Variants in NKAIN2 observed in about 807,000 individuals in gnomAD.
NKAIN2 encodes the protein sodium/potassium-transporting ATPase subunit beta-1-interacting protein 2.
A neutral mutation model predicts 32.6 loss-of-function variants in NKAIN2; 14 were observed. The observed-to-expected ratio is 0.43, with a 90% CI of 0.28 to 0.67. NKAIN2 has a LOEUF of 0.67. Ranked by LOEUF, NKAIN2 falls within the 30% of genes least tolerant of loss-of-function variation. NKAIN2 has a pLI of 0.17. For missense variants in NKAIN2, 198 were observed against 258.3 expected, an observed-to-expected ratio of 0.77 and a Z score of 1.60; for synonymous variants, 80 against 87.2, an observed-to-expected ratio of 0.92 and a Z score of 0.46.
chr6:124,810,746 G>T (rs977356214), intron 5 of NKAIN2, among the ~76,000 whole-genome samples: 1 of 152,022 alleles, frequency 6.6e-6, no homozygotes, highest in South Asian at 2.1e-4. Flanking sequence ...CATATTTGAT[G>T]AACAAGTTTA....
chr6:124,613,945 C>T (rs541873922), intron 3 of NKAIN2, among the ~76,000 whole-genome samples: 39 of 152,256 alleles, frequency 2.6e-4, no homozygotes, highest in African/African-American at 9.4e-4. Flanking sequence ...AACTTCATTG[C>T]TATAGTAATT....
intron 3 of NKAIN2, among the ~76,000 whole-genome samples, chr6:124,624,021 G>T (rs1010469284): frequency 6.8e-6 from 1 of 146,826 alleles, no homozygotes; most frequent in Non-Finnish European, 1.5e-5. Flanking sequence ...ACATCATGTG[G>T]AAAGATAGCT....
intron 1 of NKAIN2, among the ~76,000 whole-genome samples, chr6:124,139,128 C>T (rs1787006129): frequency 7.8e-6 from 1 of 128,638 alleles, no homozygotes; most frequent in South Asian, 2.4e-4. Flanking sequence ...GTCGCCCAGG[C>T]CGGACTGCGG....
chr6:124,319,688 G>A (rs960272726), intron 2 of NKAIN2, among the ~76,000 whole-genome samples: 4 of 152,032 alleles, frequency 2.6e-5, no homozygotes, highest in African/African-American at 9.7e-5. Flanking sequence ...AAATAAATAT[G>A]TCCATTCATT....
rs536351333 is a variant in NKAIN2, at chr6:124,806,549, G to A, written c.536-11838G>A. ...CTGCAAAATCATGCCAAAATGTAAA[G>A]ACCATCGAGACTAGGAAGAAACTGC... On this transcript the variant is annotated intron_variant, in intron 5 of 6. Coordinates refer to ENST00000368417, the MANE Select transcript of NKAIN2 (RefSeq NM_001040214.3). 5.9e-5 allele frequency among the ~76,000 whole-genome samples: 9 copies of A among 151,986 alleles called. No homozygotes were observed. The South Asian group carries it at 1.9e-3, about 32-fold the overall frequency.
At chr6:124,674,476 G>A (rs1209481182) in intron 4 of NKAIN2, among the ~76,000 whole-genome samples, 1 of 151,872 alleles carries the variant, frequency 6.6e-6, no homozygotes, top group Non-Finnish European at 1.5e-5. Context: ...AGAATAGTAA[G>A]TTCTTTCAAT....
chr6:124,320,097 G>A (rs984725645), intron 2 of NKAIN2, among the ~76,000 whole-genome samples: 1 of 152,146 alleles, frequency 6.6e-6, no homozygotes, highest in African/African-American at 2.4e-5. Context: ...AGCTGAGCTT[G>A]CTCTTTTGTG....
At chr6:124,734,311 C>T (rs181121101) in intron 4 of NKAIN2, among the ~76,000 whole-genome samples, 4 of 151,800 alleles carry the variant, frequency 2.6e-5, no homozygotes, top group Admixed American at 2.6e-4. Flanking sequence ...TTAATTATCT[C>T]CCTCTAAATT....
At chr6:124,001,431 A>G (rs1779873569) in intron 1 of NKAIN2, among the ~76,000 whole-genome samples, 1 of 152,062 alleles carries the variant, frequency 6.6e-6, no homozygotes, top group Non-Finnish European at 1.5e-5. Flanking sequence ...TTTTCATATA[A>G]ATAATTTCAA....
intron 1 of NKAIN2, among the ~76,000 whole-genome samples, chr6:124,206,691 G>C (rs1006067079): frequency 1.3e-5 from 2 of 151,700 alleles, no homozygotes; most frequent in African/African-American, 4.8e-5. Flanking sequence ...ACAATTTATA[G>C]TTTTTCTTAT....
rs561380058 is a variant in NKAIN2 at position 124,362,981 on chromosome 6, C to T, written c.273+7634C>T. Among the ~76,000 whole-genome samples the T allele has an allele frequency of 1.3e-4, 20 of 151,972 alleles. 1 individual carries two copies. The highest frequency in any genetic ancestry group is 3.9e-4 in the East Asian group (2 of 5,162). On this transcript the variant is annotated intron_variant, in intron 3 of 6. Coordinates refer to ENST00000368417, the MANE Select transcript of NKAIN2 (RefSeq NM_001040214.3). ...TCCCGAGTAGCTGGGTTTACATATG[C>T]GTGCCACCACACTAGGCTAATTTTT...
At chr6:124,086,610 G>T (rs1784200152) in intron 1 of NKAIN2, among the ~76,000 whole-genome samples, 1 of 151,614 alleles carries the variant, frequency 6.6e-6, no homozygotes, top group African/African-American at 2.4e-5. Context: ...ACAATTGCTG[G>T]GCATCACTAT....
chr6:124,719,999 A>G (rs1053998634), intron 4 of NKAIN2, among the ~76,000 whole-genome samples: 2 of 152,110 alleles, frequency 1.3e-5, no homozygotes, highest in African/African-American at 4.8e-5. Context: ...GAGAATGTCA[A>G]ATTCTTTCAG....
chr6:124,301,628 C>G (rs1796295358), intron 2 of NKAIN2, among the ~76,000 whole-genome samples: 1 of 152,174 alleles, frequency 6.6e-6, no homozygotes. Flanking sequence ...AGAATGAGAA[C>G]CCACCTATTG....
chr6:124,338,780 T>A (rs1028466794), intron 2 of NKAIN2, among the ~76,000 whole-genome samples: 14 of 152,028 alleles, frequency 9.2e-5, no homozygotes, highest in Non-Finnish European at 1.3e-4. Context: ...CAAAAAAAAA[T>A]TTTCTATTTG....
chr6:124,678,083 G>A (rs1476795066), intron 4 of NKAIN2, among the ~76,000 whole-genome samples: 2 of 152,026 alleles, frequency 1.3e-5, no homozygotes, highest in Admixed American at 1.3e-4. Flanking sequence ...TCCACTTACA[G>A]TCTTATAGAA....
intron 1 of NKAIN2, among the ~76,000 whole-genome samples, chr6:123,884,604 G>C (rs920384298): frequency 6.6e-6 from 1 of 152,010 alleles, no homozygotes; most frequent in East Asian, 1.9e-4. Flanking sequence ...CAATGATAAG[G>C]TAGTGACAAA....
intron 1 of NKAIN2, among the ~76,000 whole-genome samples, chr6:124,277,846 A>G (rs1489144803): frequency 6.6e-6 from 1 of 151,954 alleles, no homozygotes; most frequent in Non-Finnish European, 1.5e-5. Context: ...TAGAAACATA[A>G]TTTGGTTGTT....
At chr6:124,360,088 A>T (rs918930978) in intron 3 of NKAIN2, among the ~76,000 whole-genome samples, 23 of 151,670 alleles carry the variant, frequency 1.5e-4, no homozygotes, top group Admixed American at 1.1e-3. Flanking sequence ...TTGATTTGCG[A>T]ATGTTGAACC....
Sources: gnomAD v4.1 joint callset for allele counts (sites outside exome capture counted in the v4.1 genomes callset) on GRCh38, gnomAD v4.1.1 for gene constraint, MANE v1.5 for transcripts, NCBI Gene and HGNC (gene_info 2026-07-23, HGNC 2026-07-21) for gene names.